The following GRM8 variants were observed in gnomAD, a reference collection of about 807,000 sequenced individuals.
GRM8 encodes the protein glutamate metabotropic receptor 8, also known as metabotropic glutamate receptor 8.
Under a neutral mutation model 87.2 loss-of-function variants are expected in GRM8, and 47 were observed. The ratio of observed to expected loss-of-function variants is 0.54; its 90% CI spans 0.43 to 0.69. The LOEUF (loss-of-function observed/expected upper bound fraction) is 0.69. GRM8 is among the 30% of genes least tolerant of loss of function. The pLI, the probability that GRM8 is intolerant of heterozygous loss-of-function variation, is 0.00. For missense variants in GRM8, 1,019 were observed against 1,139.2 expected, an observed-to-expected ratio of 0.89 and a Z score of 1.52; for synonymous variants, 396 against 404.5, an observed-to-expected ratio of 0.98 and a Z score of 0.25.
chr7:127,088,081 A>C (rs1421316594), intron 3 of GRM8, among the ~76,000 whole-genome samples: 7 of 152,250 alleles, frequency 4.6e-5, no homozygotes, highest in African/African-American at 1.7e-4. Context: ...ATGACAGTCA[A>C]ACAAAATGTC....
chr7:127,174,682 C>T (rs1793996607), intron 2 of GRM8, among the ~76,000 whole-genome samples: 1 of 152,172 alleles, frequency 6.6e-6, no homozygotes, highest in Non-Finnish European at 1.5e-5. Context: ...TTTTTACCCA[C>T]ACTTAGCACC....
chr7:126,756,985 C>T (rs1380372918), intron 7 of GRM8, among the ~76,000 whole-genome samples: 2 of 151,936 alleles, frequency 1.3e-5, no homozygotes, highest in Non-Finnish European at 2.9e-5. Flanking sequence ...GGGTATTGTA[C>T]TAAAATGTAA....
At chr7:126,450,475 T>A (rs1802494938) in intron 9 of GRM8, among the ~76,000 whole-genome samples, 3 of 151,894 alleles carry the variant, frequency 2.0e-5, no homozygotes, top group Admixed American at 6.6e-5. Flanking sequence ...GCTAGAAAGC[T>A]ACACTAACAC....
intron 8 of GRM8, among the ~76,000 whole-genome samples, chr7:126,584,470 C>A (rs961324897): frequency 6.6e-6 from 1 of 152,138 alleles, no homozygotes; most frequent in African/African-American, 2.4e-5. Flanking sequence ...CTGAGGTATG[C>A]CTATAAATGT....
chr7:127,169,231 T>C (rs1166347745), intron 2 of GRM8, among the ~76,000 whole-genome samples: 1 of 151,922 alleles, frequency 6.6e-6, no homozygotes, highest in Non-Finnish European at 1.5e-5. Context: ...AGTGAATATA[T>C]GAATGATAAG....
intron 2 of GRM8, among the ~76,000 whole-genome samples, chr7:127,172,695 C>T (rs868355508): frequency 2.8e-5 from 4 of 142,402 alleles, no homozygotes; most frequent in South Asian, 4.5e-4. Context: ...GGTGACAGTG[C>T]GAGACTCCGT....
Position 126,446,209 on chromosome 7 carries a change from A to G in GRM8, c.2594T>C (p.Met865Thr), listed in dbSNP as rs756577412. The change falls in exon 10 of 11, where the codon ATG becomes ACG. Residue 865 changes from methionine to threonine, a missense_variant. By Grantham distance (81) the Met-to-Thr change is moderately conservative (BLOSUM62 -1). Transcript: ENST00000339582. ...SFKAVVTAAT[M>T]QSKLIQKGND... ...TCCTTTTTGGATCAGTTTGCTTTGC[A>G]TGGTGGCAGCTGTCACCACAGCCTT... 4 of 1,613,040 alleles carry G rather than the reference A, an allele frequency of 2.5e-6. No homozygotes were observed. The highest frequency in any genetic ancestry group is 2.5e-6 in the Non-Finnish European group (3 of 1,179,382).
chr7:126,660,610 C>T (rs184585182), intron 7 of GRM8, among the ~76,000 whole-genome samples: 40 of 152,056 alleles, frequency 2.6e-4, no homozygotes, highest in African/African-American at 9.4e-4. Flanking sequence ...TACTGATTTC[C>T]CTGGCTAGTA....
chr7:126,610,842 A>G (rs1231061307), intron 7 of GRM8, among the ~76,000 whole-genome samples: 1 of 152,190 alleles, frequency 6.6e-6, no homozygotes, highest in African/African-American at 2.4e-5. Flanking sequence ...AAGTTCTCTG[A>G]TGAGACTACA....
chr7:126,803,347 C>A (rs1822946489), intron 6 of GRM8, among the ~76,000 whole-genome samples: 1 of 152,170 alleles, frequency 6.6e-6, no homozygotes, highest in African/African-American at 2.4e-5. Flanking sequence ...CCTAAGATGT[C>A]TAGTTTAATT....
At chr7:126,916,476 C>T (rs1483078731) in intron 3 of GRM8, among the ~76,000 whole-genome samples, 2 of 152,166 alleles carry the variant, frequency 1.3e-5, no homozygotes, top group African/African-American at 4.8e-5. Flanking sequence ...TATATGTGTA[C>T]ATATCATAAA....
intron 6 of GRM8, among the ~76,000 whole-genome samples, chr7:126,796,635 C>A (rs1241093918): frequency 6.6e-6 from 1 of 152,030 alleles, no homozygotes; most frequent in Non-Finnish European, 1.5e-5. Flanking sequence ...GCACAAGATG[C>A]CACCTCATTT....
chr7:127,163,190 G>C (rs2116241988), intron 2 of GRM8, among the ~76,000 whole-genome samples: 1 of 152,292 alleles, frequency 6.6e-6, no homozygotes, highest in African/African-American at 2.4e-5. Flanking sequence ...GCTGTACAGG[G>C]AGCATAGACC....
intron 7 of GRM8, among the ~76,000 whole-genome samples, chr7:126,716,889 T>C (rs1811806080): frequency 6.6e-6 from 1 of 152,148 alleles, no homozygotes. Context: ...GAGGCCAGCA[T>C]GCTCTTCTTC....
chr7:126,693,368 ATAAT>A (rs1809025490), intron 7 of GRM8, among the ~76,000 whole-genome samples: 1 of 152,194 alleles, frequency 6.6e-6, no homozygotes, highest in Admixed American at 6.5e-5. Flanking sequence ...GAAAACAATA[ATAAT>A]TAACAATAAG....
At chr7:127,179,014 A>C (rs949460329) in intron 2 of GRM8, among the ~76,000 whole-genome samples, 3 of 152,202 alleles carry the variant, frequency 2.0e-5, no homozygotes, top group African/African-American at 7.2e-5. Flanking sequence ...CTCACATATC[A>C]ATACTACATT....
intron 8 of GRM8, among the ~76,000 whole-genome samples, chr7:126,601,038 G>A (rs1230562570): frequency 3.3e-5 from 5 of 151,166 alleles, no homozygotes; most frequent in South Asian, 4.2e-4. Context: ...CCACTAACTC[G>A]TCATCTAGCA....
chr7:126,937,578 G>C (rs1469760787), intron 3 of GRM8, among the ~76,000 whole-genome samples: 3 of 152,192 alleles, frequency 2.0e-5, no homozygotes, highest in African/African-American at 7.2e-5. Context: ...CAAGGACAAT[G>C]GACAGGGAGT....
At chr7:126,584,244 G>C (rs1208466239) in intron 8 of GRM8, among the ~76,000 whole-genome samples, 1 of 150,330 alleles carries the variant, frequency 6.7e-6, no homozygotes, top group Non-Finnish European at 1.5e-5. Flanking sequence ...TTTATTTTTT[G>C]AGACAGAGTC....
Sources: gnomAD v4.1 joint callset for allele counts (sites outside exome capture counted in the v4.1 genomes callset) on GRCh38, gnomAD v4.1.1 for gene constraint, MANE v1.5 for transcripts, NCBI Gene and HGNC (gene_info 2026-07-23, HGNC 2026-07-21) for gene names.